The following ADAM32 variants were observed in gnomAD, a reference collection of about 807,000 sequenced individuals.
ADAM32 encodes the protein disintegrin and metalloproteinase domain-containing protein 32.
A neutral mutation model predicts 114.9 loss-of-function variants in ADAM32; 89 were observed. The observed-to-expected ratio is 0.77, with a 90% CI of 0.65 to 0.92. The LOEUF is 0.92. Among genes scored for constraint, ADAM32 ranks in the 40% least tolerant of loss-of-function variants. The probability of loss-of-function intolerance (pLI) is 0.00; values close to 1 mark genes in which losing one functional copy is unlikely to be tolerated. For missense variants in ADAM32, 870 were observed against 932.8 expected, an observed-to-expected ratio of 0.93 and a Z score of 0.88; for synonymous variants, 285 against 307.5, an observed-to-expected ratio of 0.93 and a Z score of 0.77.
At chr8:39,166,369 C>CA (rs1161380266) in intron 9 of ADAM32, 3 of 152,178 alleles carry the variant, frequency 2.0e-5, no homozygotes, top group African/African-American at 7.2e-5. Flanking sequence ...CAAATGCAGT[C>CA]AATTCATTCC....
At chr8:39,123,081 T>G (rs1801879641) in intron 2 of ADAM32, among the ~76,000 whole-genome samples, 1 of 152,218 alleles carries the variant, frequency 6.6e-6, no homozygotes, top group Non-Finnish European at 1.5e-5. Flanking sequence ...TGGATCCAAC[T>G]TTCCCAGCAC....
chr8:39,212,026 T>C (rs1457014985), intron 12 of ADAM32, among the ~76,000 whole-genome samples: 2 of 152,164 alleles, frequency 1.3e-5, no homozygotes, highest in Non-Finnish European at 2.9e-5. Context: ...TTAATTAATT[T>C]ATTTTTTGAG....
chr8:39,187,565 C>G (rs1406506536), intron 11 of ADAM32, among the ~76,000 whole-genome samples: 2 of 152,206 alleles, frequency 1.3e-5, no homozygotes, highest in African/African-American at 2.4e-5. Context: ...GCCACCGCGC[C>G]CGGCCAGGAT....
At position 39,274,345 on chromosome 8, in the gene ADAM32, C is replaced by T; in HGVS notation, c.2235C>T (p.Ala745=). ...SSSEGSTQTY[A]SQTRSESSSQ... ...CAGAAGGCAGCACTCAGACATATGC[C>T]AGCCAGTAAGTAGGTTAGAAGAGGT... The change falls in exon 21 of 25, where the codon GCC becomes GCT. Residue 745 remains alanine (A), a synonymous_variant. Coordinates refer to ENST00000379907, the MANE Select transcript of ADAM32 (RefSeq NM_145004.7). 8 of 1,613,074 alleles carry T rather than the reference C, an allele frequency of 5.0e-6. No homozygotes were observed. Among genetic ancestry groups the T allele is most frequent in the Non-Finnish European group, 6.8e-6 (8 of 1,179,494 alleles).
At chr8:39,213,675 A>C (rs986533049) in intron 12 of ADAM32, among the ~76,000 whole-genome samples, 20 of 152,314 alleles carry the variant, frequency 1.3e-4, no homozygotes, top group African/African-American at 4.8e-4. Context: ...TGTTACAAAC[A>C]ATCCAATTAT....
intron 10 of ADAM32, among the ~76,000 whole-genome samples, chr8:39,179,385 G>A (rs1805712668): frequency 1.3e-5 from 2 of 152,170 alleles, no homozygotes; most frequent in Admixed American, 1.3e-4. Context: ...GTGGAAGTCG[G>A]GCCTGCAGAA....
intron 12 of ADAM32, among the ~76,000 whole-genome samples, chr8:39,219,305 G>T (rs1165540053): frequency 1.3e-5 from 2 of 152,112 alleles, no homozygotes; most frequent in Non-Finnish European, 2.9e-5. Flanking sequence ...CTGGCTTAGA[G>T]CCCAGCTCAC....
rs374192950 is a variant in ADAM32, at chr8:39,169,934, T to C, written c.852T>C (p.Arg284=). The change falls in exon 10 of 25, where the codon CGT becomes CGC. Residue 284 remains arginine, a synonymous_variant. Coordinates refer to ENST00000379907, the MANE Select transcript of ADAM32 (RefSeq NM_145004.7). ...TATTTAGTTATATGGATTATCCTCG[T>C]TATTTGGGAGCAGTGTTTCCTGGAA... ...AYLLIYMDYP[R]YLGAVFPGTM... 9 of 1,597,368 alleles carry C rather than the reference T, an allele frequency of 5.6e-6. No individual in the cohort carries two copies. In the African/African-American group the frequency reaches 1.2e-4, roughly 21 times the overall value.
intron 12 of ADAM32, among the ~76,000 whole-genome samples, chr8:39,212,656 T>A (rs1195497694): frequency 6.6e-6 from 1 of 152,334 alleles, no homozygotes; most frequent in East Asian, 1.9e-4. Flanking sequence ...TTTCTCCCTT[T>A]TAATTTTGAG....
intron 1 of ADAM32, among the ~76,000 whole-genome samples, chr8:39,111,625 G>C (rs1223628309): frequency 1.3e-5 from 2 of 149,886 alleles, no homozygotes; most frequent in African/African-American, 2.5e-5. Flanking sequence ...AATCCCAGCT[G>C]AGGCAGAATT....
chr8:39,197,178 G>A (rs1807066241), intron 11 of ADAM32, among the ~76,000 whole-genome samples: 1 of 151,976 alleles, frequency 6.6e-6, no homozygotes. Context: ...TGTGGTATCT[G>A]TTGTAATGTC....
At chr8:39,280,437 T>A (rs1213183064) in intron 22 of ADAM32, among the ~76,000 whole-genome samples, 1 of 152,214 alleles carries the variant, frequency 6.6e-6, no homozygotes, top group East Asian at 1.9e-4. Flanking sequence ...AAATGTAAGT[T>A]TTAATTTACA....
chr8:39,111,112 A>G (rs1372089781), intron 1 of ADAM32, among the ~76,000 whole-genome samples: 1 of 152,104 alleles, frequency 6.6e-6, no homozygotes, highest in African/African-American at 2.4e-5. Context: ...TTCATTGTAT[A>G]TATTCACCCG....
Position 39,187,034 on chromosome 8 carries a change from T to C in ADAM32, c.1041T>C (p.Asn347=), listed in dbSNP as rs1224461051. 3 of 1,605,472 alleles carry C rather than the reference T, an allele frequency of 1.9e-6. No homozygotes were observed. In the African/African-American group the frequency reaches 4.0e-5, roughly 22 times the overall value. ...GTTCAGAATCCACCTGTATAATGAATCCAGAAGTTGTGTAAGTTTTAACAA... is the reference window on the plus strand; with the variant it reads ...GTTCAGAATCCACCTGTATAATGAACCCAGAAGTTGTGTAAGTTTTAACAA... ...CQCSESTCIM[N]PEVVQSNGVK... Residue 347 remains asparagine, a synonymous_variant, in exon 11 of 25, where the codon AAT becomes AAC. Transcript: ENST00000379907.
At chr8:39,219,460 C>T (rs1424560817) in intron 12 of ADAM32, among the ~76,000 whole-genome samples, 1 of 152,186 alleles carries the variant, frequency 6.6e-6, no homozygotes, top group Admixed American at 6.5e-5. Context: ...TCCCCTCTGG[C>T]TAGGGCTGGT....
At chr8:39,269,136 G>A (rs142550796) in intron 19 of ADAM32, among the ~76,000 whole-genome samples, 2 of 152,076 alleles carry the variant, frequency 1.3e-5, no homozygotes, top group Non-Finnish European at 2.9e-5. Flanking sequence ...TTTTTCTGTG[G>A]TGTTCTGCCC....
intron 5 of ADAM32, 94 bp from the exon 6 acceptor site, chr8:39,151,283 A>G (rs1226203049): frequency 8.8e-6 from 10 of 1,135,560 alleles, no homozygotes; most frequent in Middle Eastern, 3.0e-4. Flanking sequence ...TACTGGACTC[A>G]AAACGTTTTA....
chr8:39,272,265 C>T (rs1326285560), intron 20 of ADAM32, among the ~76,000 whole-genome samples: 1 of 152,088 alleles, frequency 6.6e-6, no homozygotes, highest in Non-Finnish European at 1.5e-5. Context: ...GAAATTTATA[C>T]ATCTAGATTC....
intron 22 of ADAM32, among the ~76,000 whole-genome samples, chr8:39,277,407 G>C (rs1813142293): frequency 6.6e-6 from 1 of 152,206 alleles, no homozygotes; most frequent in South Asian, 2.1e-4. Flanking sequence ...ATCCACCATA[G>C]TTTTCATGTC....
Sources: gnomAD v4.1 joint callset for allele counts (sites outside exome capture counted in the v4.1 genomes callset) on GRCh38, gnomAD v4.1.1 for gene constraint, MANE v1.5 for transcripts, NCBI Gene and HGNC (gene_info 2026-07-23, HGNC 2026-07-21) for gene names.